Variants in USH2A observed in about 807,000 individuals in gnomAD.
The protein encoded by USH2A is usherin.
In USH2A, 443 loss-of-function variants were observed where a neutral mutation model predicts 538.9. The ratio of observed to expected loss-of-function variants is 0.82; its 90% CI spans 0.76 to 0.89. USH2A has a LOEUF of 0.89. Ranked by LOEUF, USH2A falls within the 40% of genes least tolerant of loss-of-function variation. USH2A has a pLI of 0.00. For missense variants in USH2A, 6,633 were observed against 6,324.8 expected, an observed-to-expected ratio of 1.05 and a Z score of -1.65; for synonymous variants, 2,413 against 2,273.5, an observed-to-expected ratio of 1.06 and a Z score of -1.75.
chr1:216,136,561 GATTGA>G (rs2033490856), intron 21 of USH2A, among the ~76,000 whole-genome samples: 1 of 152,036 alleles, frequency 6.6e-6, no homozygotes, highest in Non-Finnish European at 1.5e-5. Flanking sequence ...GATTATAATG[GATTGA>G]ATTATGTCTC....
At chr1:216,295,221 AT>A (rs933500233) in intron 9 of USH2A, among the ~76,000 whole-genome samples, 21 of 151,964 alleles carry the variant, frequency 1.4e-4, no homozygotes, top group South Asian at 8.3e-4. Flanking sequence ...AAATAAAAAA[AT>A]ATTGTCAATT....
chr1:215,729,850 C>A (rs1472163071), intron 60 of USH2A, among the ~76,000 whole-genome samples: 1 of 152,196 alleles, frequency 6.6e-6, no homozygotes, highest in Admixed American at 6.5e-5. Context: ...CCAGGCTGGT[C>A]TTCCCCAAGC....
At chr1:215,701,260 C>T (rs1659005891) in intron 61 of USH2A, among the ~76,000 whole-genome samples, 1 of 152,110 alleles carries the variant, frequency 6.6e-6, no homozygotes, top group Non-Finnish European at 1.5e-5. Context: ...TGATGTGGTG[C>T]TGAGAAGAAA....
intron 21 of USH2A, among the ~76,000 whole-genome samples, chr1:216,138,396 C>G (rs189630486): frequency 0.058 from 8,768 of 152,230 alleles, 343 homozygotes; most frequent in East Asian, 0.18. Context: ...TTGTCTTAGG[C>G]TAAAGAACCT....
chr1:215,774,683 G>C (rs144977486), intron 55 of USH2A, among the ~76,000 whole-genome samples: 1 of 151,920 alleles, frequency 6.6e-6, no homozygotes, highest in Non-Finnish European at 1.5e-5. Flanking sequence ...TTGCTCAAAC[G>C]TGAGACAATG....
At chr1:215,673,987 T>G (rs1223099597) in intron 63 of USH2A, 113 bp downstream of exon 63, 15 of 1,576,100 alleles carry the variant, frequency 9.5e-6, no homozygotes, top group Non-Finnish European at 1.3e-5. Flanking sequence ...GGATGGAGGT[T>G]GGGGACACCT....
intron 67 of USH2A, among the ~76,000 whole-genome samples, chr1:215,642,321 T>A (rs889270438): frequency 6.6e-6 from 1 of 152,126 alleles, no homozygotes; most frequent in Non-Finnish European, 1.5e-5. Context: ...TTCAGAGAGG[T>A]CAAATATCTT....
intron 70 of USH2A, among the ~76,000 whole-genome samples, chr1:215,634,033 C>T (rs527732206): frequency 2.0e-5 from 3 of 152,240 alleles, no homozygotes; most frequent in Middle Eastern, 3.4e-3. Context: ...GTTCATTCCC[C>T]GCCACCAAAT....
Position 215,780,013 on chromosome 1 carries a change from G to A in USH2A, c.10769C>T (p.Pro3590Leu), listed in dbSNP as rs115403785. ...KVVAATTQGVPESILPPSITA... is the reference protein window; with the variant it reads ...KVVAATTQGVLESILPPSITA... ...GATGCTTGGTGGCAGGATGCTCTCC[G>A]GAACTCCTTGGGTAGTAGCTGCAAC... The change falls in exon 55 of 72, where the codon CCG becomes CTG. Residue 3590 changes from proline to leucine, a missense_variant. Pro to Leu is a moderately conservative substitution (Grantham distance 98, BLOSUM62 -3). Coordinates refer to ENST00000307340, the MANE Select transcript of USH2A (RefSeq NM_206933.4). 1,261 of 1,614,062 alleles carry A rather than the reference G, an allele frequency of 7.8e-4. 1 individual carries two copies. Among genetic ancestry groups the A allele is most frequent in the Non-Finnish European group, 1.0e-3 (1,199 of 1,180,006 alleles).
chr1:216,143,046 G>A (rs2033630011), intron 21 of USH2A, among the ~76,000 whole-genome samples: 1 of 151,936 alleles, frequency 6.6e-6, no homozygotes, highest in Non-Finnish European at 1.5e-5. Context: ...ACGTCTCTCA[G>A]CCTTTTCTTA....
chr1:215,910,746 C>T (rs938291814), intron 38 of USH2A, among the ~76,000 whole-genome samples: 2 of 151,680 alleles, frequency 1.3e-5, no homozygotes, highest in Non-Finnish European at 2.9e-5. Flanking sequence ...TAATGTATCC[C>T]AAAAAACTAT....
At chr1:216,093,807 T>C (rs543049844) in intron 22 of USH2A, among the ~76,000 whole-genome samples, 11 of 152,320 alleles carry the variant, frequency 7.2e-5, no homozygotes, top group East Asian at 5.8e-4. Context: ...GTGTTCCCAG[T>C]GCATAACTGT....
chr1:215,793,688 T>C (rs2102773137), intron 50 of USH2A, among the ~76,000 whole-genome samples: 1 of 152,318 alleles, frequency 6.6e-6, no homozygotes, highest in Admixed American at 6.5e-5. Context: ...ATTCCCATCT[T>C]ATGAAACAAA....
Position 216,174,319 on chromosome 1 carries a change from T to C in USH2A, c.4627+933A>G, listed in dbSNP as rs959153091. The C allele has an allele frequency of 4.1e-6, 4 of 978,126 alleles. No individual in the cohort carries two copies. In the African/African-American group the frequency reaches 7.0e-5, roughly 17 times the overall value. 60.6% of individuals were successfully genotyped at this position (978,126 alleles called of 1,614,324 possible). A position where few individuals can be genotyped will look rare whatever the true frequency, so the allele number is the denominator to read the frequency against. Reference sequence around the variant, plus strand: ...ATAATAATATATATCTTATACTTTGTAAATTTTTTTAAAAATTGGAAAAAT... The same window carrying C: ...ATAATAATATATATCTTATACTTTGCAAATTTTTTTAAAAATTGGAAAAAT... On this transcript the variant is annotated intron_variant, in intron 21 of 71. Transcript: ENST00000307340.
rs1224008884 is a variant in USH2A at position 216,386,479 on chromosome 1, C to A, written c.652-21394G>T. ...CCAGCCTGGGCGACAGAGCGAGACTCGTCTCAAAAAAACAAACAAACAAAC... is the reference window on the plus strand; with the variant it reads ...CCAGCCTGGGCGACAGAGCGAGACTAGTCTCAAAAAAACAAACAAACAAAC... On this transcript the variant is annotated intron_variant, in intron 3 of 71. Transcript: ENST00000307340. Among the ~76,000 whole-genome samples the A allele has an allele frequency of 3.7e-5, 5 of 133,654 alleles. No individual in the cohort carries two copies. In the Admixed American group the frequency reaches 4.1e-4, roughly 11 times the overall value. 87.7% of individuals were successfully genotyped at this position (133,654 alleles called of 152,430 possible). A position where few individuals can be genotyped will look rare whatever the true frequency, so the allele number is the denominator to read the frequency against.
intron 3 of USH2A, among the ~76,000 whole-genome samples, chr1:216,389,999 C>T (rs539998528): frequency 1.5e-4 from 18 of 118,790 alleles, no homozygotes; most frequent in African/African-American, 4.2e-4. Context: ...ATAAAAAAAA[C>T]TGACTGTCAG....
chr1:215,820,793 A>C (rs1047383582), intron 47 of USH2A, among the ~76,000 whole-genome samples: 9 of 151,518 alleles, frequency 5.9e-5, no homozygotes, highest in African/African-American at 1.9e-4. Context: ...CTCTACCTTC[A>C]TGAGGTTCAC....
At chr1:215,692,749 G>A (rs1658660093) in intron 61 of USH2A, among the ~76,000 whole-genome samples, 1 of 152,052 alleles carries the variant, frequency 6.6e-6, no homozygotes, top group Non-Finnish European at 1.5e-5. Flanking sequence ...AATCATTTTT[G>A]AAGGTTTTAA....
At chr1:215,866,368 C>A (rs1664469323) in intron 44 of USH2A, among the ~76,000 whole-genome samples, 1 of 152,136 alleles carries the variant, frequency 6.6e-6, no homozygotes, top group Admixed American at 6.5e-5. Context: ...ACTCTGTGAA[C>A]TCTTCCAAAT....
Sources: allele counts gnomAD v4.1 joint callset (sites outside exome capture counted in the v4.1 genomes callset), GRCh38; gene constraint gnomAD v4.1.1; transcripts MANE v1.5; gene names NCBI Gene and HGNC (gene_info 2026-07-23, HGNC 2026-07-21).